RPH3A: variants seen among roughly 807,000 people sequenced by gnomAD.
RPH3A encodes rabphilin 3A, also known as rabphilin-3A.
In RPH3A, 48 loss-of-function variants were observed where a neutral mutation model predicts 102.2. The ratio of observed to expected loss-of-function variants is 0.47; its 90% CI spans 0.37 to 0.60. The LOEUF (loss-of-function observed/expected upper bound fraction) is 0.60, where lower values mean the gene tolerates loss of function less well. Ranked by LOEUF, RPH3A falls within the 20% of genes least tolerant of loss-of-function variation. The pLI, the probability that RPH3A is intolerant of heterozygous loss-of-function variation, is 0.00. For missense variants in RPH3A, 781 were observed against 910.1 expected (o/e 0.86, Z 1.83); for synonymous variants, 310 against 324.3 (o/e 0.96, Z 0.47).
intron 2 of RPH3A, among the ~76,000 whole-genome samples, chr12:112,821,060 A>G (rs2041769226): frequency 1.3e-5 from 2 of 152,198 alleles, no homozygotes; most frequent in Admixed American, 1.3e-4. Context: ...GGAACAAGGA[A>G]AAGCCAACAG....
intron 1 of RPH3A, among the ~76,000 whole-genome samples, chr12:112,683,657 C>T (rs1417548796): frequency 6.6e-6 from 1 of 152,140 alleles, no homozygotes; most frequent in Non-Finnish European, 1.5e-5. Flanking sequence ...GGATATGTTT[C>T]AGAATTGTCT....
In RPH3A at chr12:112,684,319, T is replaced by C. The variant is rs185867853; in HGVS notation, c.-139-107824T>C. On this transcript the variant is annotated intron_variant, in intron 1 of 21. Transcript: ENST00000543106. ...TGTCACCCACACTGGAGTGCAGTGG[T>C]ACAATCTCGGCTCACTGAAACCTCT... Among the ~76,000 whole-genome samples the C allele has an allele frequency of 1.4e-4, 22 of 152,288 alleles. No individual in the cohort carries two copies. The East Asian group carries it at 4.2e-3, about 29-fold the overall frequency.
chr12:112,719,532 T>C (rs938308675), intron 1 of RPH3A, among the ~76,000 whole-genome samples: 3 of 152,180 alleles, frequency 2.0e-5, no homozygotes, highest in African/African-American at 7.2e-5. Context: ...TAAGAGCTTG[T>C]CTAATGGTCT....
At chr12:112,750,661 C>A (rs140249711) in intron 1 of RPH3A, among the ~76,000 whole-genome samples, 2 of 152,266 alleles carry the variant, frequency 1.3e-5, no homozygotes, top group East Asian at 3.9e-4. Context: ...GTCCAATATC[C>A]AACTCCCCTC....
intron 1 of RPH3A, chr12:112,650,747 T>A (rs2039968271): frequency 6.6e-6 from 1 of 151,296 alleles, no homozygotes; most frequent in African/African-American, 2.4e-5. Context: ...TTTTTTTTTT[T>A]GAAATAGGGT....
intron 1 of RPH3A, among the ~76,000 whole-genome samples, chr12:112,670,522 C>T (rs989441410): frequency 2.6e-5 from 4 of 152,130 alleles, no homozygotes; most frequent in African/African-American, 9.7e-5. Context: ...TACTATGTAG[C>T]AGACCACCCA....
At position 112,589,018 on chromosome 12, in the gene RPH3A, G is replaced by A. The variant is rs192308395; in HGVS notation, c.-140+13699G>A. Reference sequence around the variant, plus strand: ...AAAGGAGTGGGATTCTTGGGGGAAGGGGGGAGAGTGTTCCAGGCAGAGGAA... The same window carrying A: ...AAAGGAGTGGGATTCTTGGGGGAAGAGGGGAGAGTGTTCCAGGCAGAGGAA... On this transcript the variant is annotated intron_variant, in intron 1 of 21. Coordinates refer to the RPH3A transcript ENST00000543106. 4.9e-3 allele frequency among the ~76,000 whole-genome samples: 753 copies of A among 152,188 alleles called. 8 individuals carry two copies. Among genetic ancestry groups the A allele is most frequent in the African/African-American group, 0.017 (696 of 41,504 alleles).
intron 4 of RPH3A, among the ~76,000 whole-genome samples, chr12:112,845,620 C>T (rs1257494198): frequency 2.0e-5 from 3 of 152,192 alleles, no homozygotes; most frequent in Non-Finnish European, 4.4e-5. Flanking sequence ...TGTCTCCCTG[C>T]ATGTCACCTG....
chr12:112,601,569 A>AT (rs143093624), intron 1 of RPH3A, among the ~76,000 whole-genome samples: 3,348 of 152,324 alleles, frequency 0.022, 129 homozygotes, highest in African/African-American at 0.077. Flanking sequence ...CATATAGACT[A>AT]TTTTTTAACA....
chr12:112,879,329 A>G, intron 14 of RPH3A, 131 bp downstream of exon 14: 1 of 807,656 alleles, frequency 1.2e-6, no homozygotes, highest in Non-Finnish European at 1.9e-6. Context: ...GGTGATGAGA[A>G]GAGTCACAGT....
intron 1 of RPH3A, among the ~76,000 whole-genome samples, chr12:112,591,056 G>T (rs1018322854): frequency 6.6e-6 from 1 of 152,024 alleles, no homozygotes; most frequent in African/African-American, 2.4e-5. Context: ...GGCCTCAAGG[G>T]ATCCTCCCAC....
intron 2 of RPH3A, among the ~76,000 whole-genome samples, chr12:112,807,364 A>G (rs567773261): frequency 6.6e-5 from 10 of 152,310 alleles, no homozygotes; most frequent in African/African-American, 2.4e-4. Flanking sequence ...AGAGGACAGT[A>G]GGACCCCTCT....
At chr12:112,874,813 G>T in intron 10 of RPH3A, 1 of 435,124 alleles carries the variant, frequency 2.3e-6, no homozygotes, top group Non-Finnish European at 4.1e-6. Flanking sequence ...AGAGAGGACA[G>T]GTCACTTGAG....
In RPH3A at chr12:112,595,209, A is replaced by G. The variant is rs141108284; in HGVS notation, c.-140+19890A>G. 1.3e-3 allele frequency among the ~76,000 whole-genome samples: 193 copies of G among 152,348 alleles called. 1 individual carries two copies. The highest frequency in any genetic ancestry group is 1.1e-3 in the Non-Finnish European group (75 of 68,028). On this transcript the variant is annotated intron_variant, in intron 1 of 21. Transcript: ENST00000543106. ...CATGGCTATGAGTTAATTCATGAAAAAGCTCTCAGAATAGTACTTAGCACC... is the reference window on the plus strand; with the variant it reads ...CATGGCTATGAGTTAATTCATGAAAGAGCTCTCAGAATAGTACTTAGCACC...
chr12:112,756,753 G>A (rs755073337), intron 1 of RPH3A, among the ~76,000 whole-genome samples: 2 of 152,060 alleles, frequency 1.3e-5, no homozygotes, highest in African/African-American at 2.4e-5. Flanking sequence ...ATTTCTTTAG[G>A]ATAAATTCCC....
chr12:112,836,839 C>T (rs1208233491), intron 4 of RPH3A, among the ~76,000 whole-genome samples: 3 of 152,224 alleles, frequency 2.0e-5, no homozygotes, highest in East Asian at 1.9e-4. Flanking sequence ...CACTGTTCTG[C>T]GATAAGGAAA....
intron 1 of RPH3A, among the ~76,000 whole-genome samples, chr12:112,734,515 G>T (rs1218928691): frequency 6.6e-6 from 1 of 152,226 alleles, no homozygotes; most frequent in Non-Finnish European, 1.5e-5. Context: ...CTTGGATCTT[G>T]CTTAAGAAAG....
chr12:112,811,705 T>G (rs1269732966), intron 2 of RPH3A, among the ~76,000 whole-genome samples: 9 of 152,184 alleles, frequency 5.9e-5, no homozygotes. Flanking sequence ...ATTTTGGGGA[T>G]TCCAAATTTT....
At position 112,578,830 on chromosome 12, in the gene RPH3A, G is replaced by A. The variant is rs116457758; in HGVS notation, c.-140+3511G>A. ...GGAATATAGTGAGTTGGGAACACATGCTCCATCTATAGGAGCAGCAGCAAC... is the reference window on the plus strand; with the variant it reads ...GGAATATAGTGAGTTGGGAACACATACTCCATCTATAGGAGCAGCAGCAAC... On this transcript the variant is annotated intron_variant, in intron 1 of 21. Coordinates refer to the RPH3A transcript ENST00000543106. 8.1e-3 allele frequency among the ~76,000 whole-genome samples: 1,238 copies of A among 152,224 alleles called. 16 individuals are homozygous for A. Among genetic ancestry groups the A allele is most frequent in the African/African-American group, 0.028 (1,143 of 41,522 alleles).
Sources: gnomAD v4.1 joint callset for allele counts (sites outside exome capture counted in the v4.1 genomes callset) on GRCh38, gnomAD v4.1.1 for gene constraint, MANE v1.5 for transcripts, NCBI Gene and HGNC (gene_info 2026-07-23, HGNC 2026-07-21) for gene names.